The following PDCD11 variants were observed in gnomAD, a reference collection of about 807,000 sequenced individuals.
The protein encoded by PDCD11 is protein RRP5 homolog.
In PDCD11, 97 loss-of-function variants were observed where a neutral mutation model predicts 198.9. That is an observed-to-expected ratio of 0.49 (90% CI 0.41 to 0.58). The LOEUF is 0.58. Among genes scored for constraint, PDCD11 ranks in the 20% least tolerant of loss-of-function variants. PDCD11 has a pLI of 0.00. For missense variants in PDCD11, 2,102 were observed against 2,312.7 expected (o/e 0.91, Z 1.87); for synonymous variants, 893 against 918.0 (o/e 0.97, Z 0.49).
At chr10:103,437,968 A>T in intron 25 of PDCD11, 47 bp from the exon 26 acceptor site, 1 of 1,532,848 alleles carries the variant, frequency 6.5e-7, no homozygotes. Flanking sequence ...TTTGCTGTTC[A>T]CAGATGCTGA....
Position 103,425,133 on chromosome 10 carries a change from G to A in PDCD11, c.2913G>A (p.Gln971=), listed in dbSNP as rs749292836. Residue 971 remains glutamine, a synonymous_variant, in exon 20 of 36, where the codon CAG becomes CAA. Coordinates refer to ENST00000369797, the MANE Select transcript of PDCD11 (RefSeq NM_014976.2). The part of the protein sequence containing the change: ...DTFRFDSEKL[Q]VGQGVSLTLK... ...TCCGCTTTGACTCAGAGAAATTGCAGGTGGGACAGGGTGTCTCCCTAACCC... is the reference window on the plus strand; with the variant it reads ...TCCGCTTTGACTCAGAGAAATTGCAAGTGGGACAGGGTGTCTCCCTAACCC... 6.2e-7 allele frequency: 1 copy of A among 1,614,092 alleles called. No homozygotes were observed. The highest frequency in any genetic ancestry group is 1.3e-5 in the African/African-American group (1 of 74,924).
chr10:103,424,828 G>T (rs1477057862), intron 19 of PDCD11, among the ~76,000 whole-genome samples, 156 bp from the exon 20 acceptor site: 1 of 152,182 alleles, frequency 6.6e-6, no homozygotes, highest in Non-Finnish European at 1.5e-5. Context: ...TAGGTCCAGG[G>T]AGTGAAGGCT....
intron 17 of PDCD11, among the ~76,000 whole-genome samples, chr10:103,422,037 C>T (rs1270842155): frequency 1.4e-5 from 2 of 143,190 alleles, no homozygotes; most frequent in African/African-American, 5.2e-5. Context: ...GAAGTATGAC[C>T]TGCATAAAGT....
chr10:103,406,175 C>T, intron 6 of PDCD11, 67 bp downstream of exon 6: 1 of 1,557,898 alleles, frequency 6.4e-7, no homozygotes, highest in Non-Finnish European at 8.8e-7. Flanking sequence ...TATTTAAGTG[C>T]CATTTTGATG....
chr10:103,403,439 G>T (rs1275388088), intron 4 of PDCD11, among the ~76,000 whole-genome samples, 154 bp downstream of exon 4: 1 of 152,200 alleles, frequency 6.6e-6, no homozygotes, highest in Non-Finnish European at 1.5e-5. Flanking sequence ...GAGCCTGGAA[G>T]ACTGTTGAGG....
chr10:103,440,275 C>T lies in PDCD11; in HGVS notation c.4149-15C>T. On this transcript the variant is annotated splice_polypyrimidine_tract_variant and intron_variant, in intron 28 of 35. Transcript: ENST00000369797. The stretch of plus-strand genomic sequence containing the variant: ...TTTTATGATGTCTTTACCTCCCCAT[C>T]TTGCTCTGTCATAGCCTTAACCACC... 1 of 1,599,270 alleles carries T rather than the reference C, an allele frequency of 6.3e-7. No individual in the cohort carries two copies. Among genetic ancestry groups the T allele is most frequent in the Non-Finnish European group, 8.5e-7 (1 of 1,174,286 alleles).
In PDCD11 at chr10:103,401,014, C is replaced by T. The variant is rs568497673; in HGVS notation, c.234+486C>T. Among the ~76,000 whole-genome samples the T allele has an allele frequency of 1.1e-4, 16 of 152,216 alleles. No homozygotes were observed. In the South Asian group the frequency reaches 2.7e-3, roughly 26 times the overall value. Reference sequence around the variant, plus strand: ...AAGCAATCCTCCTGCCTCAACCTCCCGAAGTGTTGGGATTATAGACATGAG... The same window carrying T: ...AAGCAATCCTCCTGCCTCAACCTCCTGAAGTGTTGGGATTATAGACATGAG... On this transcript the variant is annotated intron_variant, in intron 3 of 35. Transcript: ENST00000369797.
At chr10:103,431,599 A>G (rs978577152) in intron 21 of PDCD11, among the ~76,000 whole-genome samples, 7 of 151,232 alleles carry the variant, frequency 4.6e-5, no homozygotes, top group Admixed American at 2.6e-4. Context: ...CTCAAAAAAA[A>G]GAAAAAAAAA....
chr10:103,434,498 T>C, intron 24 of PDCD11, 148 bp downstream of exon 24: 2 of 626,790 alleles, frequency 3.2e-6, no homozygotes. Flanking sequence ...ACAGTTTTTC[T>C]CTTGGGCTTT....
intron 2 of PDCD11, 95 bp from the exon 3 acceptor site, chr10:103,400,302 C>A: frequency 5.4e-6 from 5 of 932,392 alleles, no homozygotes; most frequent in South Asian, 1.7e-5. Flanking sequence ...GAAGGAGTAA[C>A]AAAGCAAGGT....
intron 2 of PDCD11, among the ~76,000 whole-genome samples, chr10:103,398,754 C>A (rs957863391): frequency 1.3e-5 from 2 of 152,204 alleles, no homozygotes; most frequent in African/African-American, 4.8e-5. Flanking sequence ...CGTAGTGGCT[C>A]ATGCCTGTAA....
At position 103,398,345 on chromosome 10, in the gene PDCD11, C is replaced by T. The variant is rs2093448210; in HGVS notation, c.-11-71C>T. 4.0e-5 allele frequency: 36 copies of T among 904,584 alleles called. 1 individual carries two copies. In the South Asian group the frequency reaches 4.7e-4, roughly 12 times the overall value. The allele number at this position is 904,584 out of a possible 1,614,324, so 56.0% of individuals were successfully genotyped here. ...ATTGCTGGAACGTTCTGTCTCTTGC[C>T]CGTTGATAACACCTTTCTGAAATCT... is the stretch of plus-strand genomic sequence containing the variant. On this transcript the variant is annotated intron_variant, in intron 1 of 35. Coordinates refer to ENST00000369797, the MANE Select transcript of PDCD11 (RefSeq NM_014976.2).
chr10:103,421,012 A>G (rs1430586076), intron 16 of PDCD11, among the ~76,000 whole-genome samples: 4 of 151,988 alleles, frequency 2.6e-5, no homozygotes, highest in African/African-American at 9.7e-5. Flanking sequence ...AGTAGCTGGA[A>G]TTGCAGGTGC....
chr10:103,427,233 G>C, intron 20 of PDCD11, 96 bp from the exon 21 acceptor site: 1 of 1,088,416 alleles, frequency 9.2e-7, no homozygotes. Flanking sequence ...GTGCTTTTGT[G>C]AGCTTGGTTT....
At chr10:103,406,563 C>T in intron 6 of PDCD11, 46 bp from the exon 7 acceptor site, 2 of 1,573,238 alleles carry the variant, frequency 1.3e-6, no homozygotes, top group South Asian at 1.1e-5. Flanking sequence ...AAAAGTCCTT[C>T]TCATAGATAC....
At chr10:103,420,013 G>A (rs1025750257) in intron 16 of PDCD11, among the ~76,000 whole-genome samples, 1 of 147,902 alleles carries the variant, frequency 6.8e-6, no homozygotes, top group African/African-American at 2.5e-5. Context: ...GGCCAGGCTG[G>A]TCTTGAACTC....
Position 103,416,534 on chromosome 10 carries a change from T to C in PDCD11, c.1562T>C (p.Leu521Pro). 6.2e-7 allele frequency: 1 copy of C among 1,614,182 alleles called. No individual in the cohort carries two copies. The highest frequency in any genetic ancestry group is 8.5e-7 in the Non-Finnish European group (1 of 1,180,026). Residue 521 changes from leucine (L) to proline (P), a missense_variant, in exon 13 of 36, where the codon CTG becomes CCG. Transcript: ENST00000369797. ...DPEAKKLMMT[L>P]KKTLIESKLP... ...GAAGCCAAGAAGCTGATGATGACCC[T>C]GAAAAAAACCCTGATTGAGTCCAAA...
Position 103,440,278 on chromosome 10 carries a change from G to T in PDCD11, c.4149-12G>T. ...TATGATGTCTTTACCTCCCCATCTT[G>T]CTCTGTCATAGCCTTAACCACCAGA... On this transcript the variant is annotated splice_polypyrimidine_tract_variant and intron_variant, in intron 28 of 35. Transcript: ENST00000369797. 6.2e-7 allele frequency: 1 copy of T among 1,601,274 alleles called. No homozygotes were observed.
chr10:103,414,861 C>A, intron 11 of PDCD11, 144 bp from the exon 12 acceptor site: 1 of 734,334 alleles, frequency 1.4e-6, no homozygotes, highest in Non-Finnish European at 2.4e-6. Flanking sequence ...GGGGTGTGTG[C>A]TTCACCCATG....
Sources: gnomAD v4.1 joint callset for allele counts (sites outside exome capture counted in the v4.1 genomes callset) on GRCh38, gnomAD v4.1.1 for gene constraint, MANE v1.5 for transcripts, NCBI Gene and HGNC (gene_info 2026-07-23, HGNC 2026-07-21) for gene names.